GSE1: variants seen among roughly 807,000 people sequenced by gnomAD.
GSE1 encodes the protein Gse1 coiled-coil protein, also known as genetic suppressor element 1.
Under a neutral mutation model 112.6 loss-of-function variants are expected in GSE1, and 32 were observed. The observed-to-expected ratio is 0.28, with a 90% confidence interval of 0.21 to 0.38. GSE1 has a LOEUF of 0.38. GSE1 is among the 10% of genes least tolerant of loss of function. GSE1 has a pLI of 1.00. For synonymous variants in GSE1, 1,115 were observed against 735.6 expected (o/e 1.52, Z -8.35); for missense variants, 2,348 against 1,699.2 (o/e 1.38, Z -6.71).
intron 1 of GSE1, among the ~76,000 whole-genome samples, chr16:85,213,408 G>A (rs947667199): frequency 3.9e-5 from 6 of 152,082 alleles, no homozygotes; most frequent in South Asian, 2.1e-4. Flanking sequence ...AGCTATCATC[G>A]TGCCACTGCA....
chr16:85,184,562 T>C (rs899266835), intron 1 of GSE1, among the ~76,000 whole-genome samples: 1 of 152,220 alleles, frequency 6.6e-6, no homozygotes, highest in African/African-American at 2.4e-5. Context: ...ATGGGAGGGA[T>C]TATTATCCCT....
intron 1 of GSE1, among the ~76,000 whole-genome samples, chr16:85,204,002 C>A (rs1179563682): frequency 3.3e-5 from 5 of 152,166 alleles, no homozygotes; most frequent in African/African-American, 1.2e-4. Flanking sequence ...TGGGCTCAAG[C>A]AGTCTTTCTG....
chr16:85,613,352 C>T lies in GSE1; in HGVS notation c.-40C>T, dbSNP rs1257144387. 1 of 1,567,100 alleles carries T rather than the reference C, an allele frequency of 6.4e-7. No homozygotes were observed. Among genetic ancestry groups the T allele is most frequent in the Admixed American group, 1.9e-5 (1 of 53,886 alleles). ...AGACAAACACTGGGCGACGGTGGCT[C>T]CAGCATGTATCAGCCGAGGTGGAGC... is the stretch of plus-strand genomic sequence containing the variant. On this transcript the variant is annotated 5_prime_UTR_variant, in exon 1 of 16. Coordinates refer to ENST00000253458, the MANE Select transcript of GSE1 (RefSeq NM_014615.5).
chr16:85,361,796 G>A (rs74031798), intron 2 of GSE1, among the ~76,000 whole-genome samples: 3,219 of 152,332 alleles, frequency 0.021, 110 homozygotes, highest in African/African-American at 0.067. Context: ...CCCCAGAGGC[G>A]GGGGTTGTGT....
chr16:85,344,161 A>G (rs1237342630), intron 1 of GSE1, among the ~76,000 whole-genome samples: 1 of 152,120 alleles, frequency 6.6e-6, no homozygotes, highest in Non-Finnish European at 1.5e-5. Flanking sequence ...TGTGGCACTA[A>G]TGGACATGGG....
chr16:85,184,575 T>G (rs539151402), intron 1 of GSE1, among the ~76,000 whole-genome samples: 3 of 152,358 alleles, frequency 2.0e-5, no homozygotes, highest in East Asian at 3.9e-4. Context: ...TTATCCCTAC[T>G]TTAATAGAGG....
intron 2 of GSE1, among the ~76,000 whole-genome samples, chr16:85,643,839 C>T (rs558884685): frequency 6.6e-6 from 1 of 152,232 alleles, no homozygotes; most frequent in African/African-American, 2.4e-5. Context: ...CAACTTTTCC[C>T]CTGGGCAGCA....
intron 1 of GSE1, among the ~76,000 whole-genome samples, chr16:85,206,320 G>A: frequency 6.6e-6 from 1 of 152,168 alleles, no homozygotes; most frequent in South Asian, 2.1e-4. Flanking sequence ...GAAGGGTGGG[G>A]GCACGGTGGA....
chr16:85,507,809 G>A (rs145738745), intron 2 of GSE1, among the ~76,000 whole-genome samples: 103 of 152,228 alleles, frequency 6.8e-4, no homozygotes, highest in African/African-American at 2.4e-3. Flanking sequence ...GTCAATTTTC[G>A]CAGGACACAA....
intron 1 of GSE1, among the ~76,000 whole-genome samples, chr16:85,615,043 CG>C (rs1303906399): frequency 6.6e-6 from 1 of 152,234 alleles, no homozygotes; most frequent in Non-Finnish European, 1.5e-5. Flanking sequence ...TCCCGCCTCC[CG>C]GCAGGGGTGG....
chr16:85,318,285 A>T (rs2095739837), intron 1 of GSE1, among the ~76,000 whole-genome samples: 2 of 151,738 alleles, frequency 1.3e-5, no homozygotes, highest in South Asian at 4.2e-4. Flanking sequence ...GGATGGGGGG[A>T]TAGGGTCTTA....
intron 2 of GSE1, among the ~76,000 whole-genome samples, chr16:85,646,394 T>G (rs1167760703): frequency 2.0e-5 from 3 of 152,256 alleles, no homozygotes. Context: ...CTTGCACAGC[T>G]GCTGTGACAC....
upstream of GSE1, among the ~76,000 whole-genome samples, chr16:85,607,801 G>A (rs1263385723): frequency 6.6e-6 from 1 of 152,222 alleles, no homozygotes; most frequent in Non-Finnish European, 1.5e-5. Flanking sequence ...CAGGGTCTGG[G>A]GACTGTGTCC....
At chr16:85,273,918 A>T (rs1474223487) in intron 1 of GSE1, among the ~76,000 whole-genome samples, 9 of 147,328 alleles carry the variant, frequency 6.1e-5, no homozygotes, top group Admixed American at 6.1e-4. Context: ...GCTGGTCTCG[A>T]ACTCCTGACC....
At chr16:85,561,242 C>T (rs1308813835) in intron 1 of GSE1, among the ~76,000 whole-genome samples, 1 of 152,150 alleles carries the variant, frequency 6.6e-6, no homozygotes, top group African/African-American at 2.4e-5. Context: ...TGAGGCTACT[C>T]TTACCCCCCT....
chr16:85,611,959 C>CT (rs528790104), upstream of GSE1, among the ~76,000 whole-genome samples: 9 of 152,070 alleles, frequency 5.9e-5, no homozygotes, highest in African/African-American at 2.2e-4. Context: ...AGGTTTGGGG[C>CT]TGGCACGAGG....
rs748656731 is a variant in GSE1, at chr16:85,663,630, G to C, written c.2644+16G>C. On this transcript the variant is annotated intron_variant, in intron 11 of 15. Transcript: ENST00000253458. ...AAGAGGAAAGGTAGGGCCTCGCCTG[G>C]GTAGGAAGGTGGGGGCTCACTGGGG... 19 of 1,600,670 alleles carry C rather than the reference G, an allele frequency of 1.2e-5. No homozygotes were observed. The South Asian group carries it at 1.9e-4, about 16-fold the overall frequency.
chr16:85,338,916 G>T (rs1460100168), intron 1 of GSE1, among the ~76,000 whole-genome samples: 1 of 152,238 alleles, frequency 6.6e-6, no homozygotes, highest in Non-Finnish European at 1.5e-5. Flanking sequence ...GCGCGTGTCT[G>T]CAGAGCTTGG....
At chr16:85,651,624 C>T (rs528728375) in intron 3 of GSE1, among the ~76,000 whole-genome samples, 78 of 152,316 alleles carry the variant, frequency 5.1e-4, no homozygotes, top group Non-Finnish European at 7.4e-4. Context: ...GGCGGCAGGC[C>T]TGGGCTGTTG....
Sources: allele counts gnomAD v4.1 joint callset (sites outside exome capture counted in the v4.1 genomes callset), GRCh38; gene constraint gnomAD v4.1.1; transcripts MANE v1.5; gene names NCBI Gene and HGNC (gene_info 2026-07-23, HGNC 2026-07-21).